The following CDH6 variants were observed in gnomAD, a reference collection of about 807,000 sequenced individuals.
The protein encoded by CDH6 is cadherin-6.
A neutral mutation model predicts 78.0 loss-of-function variants in CDH6; 31 were observed. The ratio of observed to expected loss-of-function variants is 0.40; its 90% CI spans 0.30 to 0.54. CDH6 has a LOEUF of 0.54. Among genes scored for constraint, CDH6 ranks in the 20% least tolerant of loss-of-function variants. The pLI is 0.56. For missense variants in CDH6, 724 were observed against 975.9 expected (o/e 0.74, Z 3.44); for synonymous variants, 376 against 368.8 (o/e 1.02, Z -0.23).
intron 1 of CDH6, among the ~76,000 whole-genome samples, chr5:31,263,805 A>C: frequency 6.6e-6 from 1 of 152,164 alleles, no homozygotes; most frequent in Non-Finnish European, 1.5e-5. Context: ...CATTCATTTT[A>C]ACTTATCAAA....
At chr5:31,285,571 A>T (rs1027776611) in intron 2 of CDH6, among the ~76,000 whole-genome samples, 21 of 152,262 alleles carry the variant, frequency 1.4e-4, no homozygotes. Context: ...GCAACTGGTC[A>T]GACCAATTAG....
chr5:31,317,371 T>G lies in CDH6; in HGVS notation c.1513-4T>G. ...TTATGGCAGCGTTTTGGTTTTTCTC[T>G]TAGTTGATTCAGACCCTGCATGCTG... On this transcript the variant is annotated splice_polypyrimidine_tract_variant and splice_region_variant and intron_variant, in intron 9 of 11. Coordinates refer to ENST00000265071, the MANE Select transcript of CDH6 (RefSeq NM_004932.4). 6.8e-7 allele frequency: 1 copy of G among 1,459,962 alleles called. No individual in the cohort carries two copies. The highest frequency in any genetic ancestry group is 9.5e-7 in the Non-Finnish European group (1 of 1,057,482). The allele number at this position is 1,459,962 out of a possible 1,614,324, so 90.4% of individuals were successfully genotyped here. A position where few individuals can be genotyped will look rare whatever the true frequency, so the allele number is the denominator to read the frequency against.
intron 1 of CDH6, among the ~76,000 whole-genome samples, chr5:31,219,297 G>GTC (rs1393378213): frequency 6.6e-6 from 1 of 152,064 alleles, no homozygotes; most frequent in Non-Finnish European, 1.5e-5. Context: ...GTTCCTTAAA[G>GTC]TCTCTCTCTC....
chr5:31,206,827 A>C (rs1375693906), intron 1 of CDH6, among the ~76,000 whole-genome samples: 1 of 152,142 alleles, frequency 6.6e-6, no homozygotes, highest in East Asian at 1.9e-4. Context: ...TAAGGTTTCT[A>C]TTCATTTTCA....
rs1326875217 is a variant in CDH6, at chr5:31,321,478, T to C, written c.1883-1340T>C. On this transcript the variant is annotated intron_variant, in intron 11 of 11. Transcript: ENST00000265071. ...AACATCTTTAAACTTCAACTTCCTC[T>C]TATGTAAAATGGGGTTTTAATGATG... Among the ~76,000 whole-genome samples, 3 of 152,282 alleles carry C rather than the reference T, an allele frequency of 2.0e-5. No individual in the cohort carries two copies. The South Asian group carries it at 6.2e-4, about 32-fold the overall frequency.
intron 1 of CDH6, among the ~76,000 whole-genome samples, chr5:31,233,673 C>T (rs1435916452): frequency 3.9e-5 from 6 of 152,156 alleles, no homozygotes; most frequent in East Asian, 1.9e-4. Flanking sequence ...TGTGTGGCTA[C>T]GACATTTGCT....
At chr5:31,288,126 G>A (rs1743060184) in intron 2 of CDH6, among the ~76,000 whole-genome samples, 1 of 152,130 alleles carries the variant, frequency 6.6e-6, no homozygotes, top group African/African-American at 2.4e-5. Context: ...GCCAATTCCT[G>A]CTAAACCAGG....
chr5:31,263,340 C>A (rs778865102), intron 1 of CDH6, among the ~76,000 whole-genome samples: 13 of 151,050 alleles, frequency 8.6e-5, no homozygotes, highest in African/African-American at 2.9e-4. Context: ...CTCACTGCAA[C>A]CTCCGCATCC....
intron 11 of CDH6, among the ~76,000 whole-genome samples, chr5:31,322,072 T>C (rs990412070): frequency 3.9e-5 from 6 of 152,142 alleles, no homozygotes; most frequent in Admixed American, 1.3e-4. Context: ...AACAAACTTA[T>C]AGAACATGAA....
At chr5:31,202,633 C>A (rs1390679267) in intron 1 of CDH6, among the ~76,000 whole-genome samples, 7 of 141,652 alleles carry the variant, frequency 4.9e-5, no homozygotes, top group Non-Finnish European at 1.1e-4. Context: ...CAAAACTTCA[C>A]CTCAAAAAAA....
At chr5:31,205,438 G>A (rs574563719) in intron 1 of CDH6, among the ~76,000 whole-genome samples, 23 of 152,226 alleles carry the variant, frequency 1.5e-4, no homozygotes, top group Admixed American at 7.9e-4. Context: ...CCAGGCAGGC[G>A]TTTTATTAAG....
At chr5:31,255,286 C>T (rs529756922) in intron 1 of CDH6, among the ~76,000 whole-genome samples, 8 of 152,258 alleles carry the variant, frequency 5.3e-5, no homozygotes, top group African/African-American at 1.9e-4. Flanking sequence ...GTGACGGTGC[C>T]GTCGTTAAAT....
chr5:31,250,609 A>G (rs62348942), intron 1 of CDH6: 8,244 of 152,528 alleles, frequency 0.054, 258 homozygotes, highest in South Asian at 0.12. Flanking sequence ...TAAGGACTCT[A>G]CACAGCCCCA....
intron 7 of CDH6, among the ~76,000 whole-genome samples, chr5:31,310,336 G>A (rs1738112013): frequency 1.3e-5 from 2 of 152,336 alleles, no homozygotes; most frequent in Admixed American, 1.3e-4. Flanking sequence ...AAAGGAGTGG[G>A]CTCCCATGGC....
chr5:31,283,280 G>A (rs1273607001), intron 2 of CDH6, among the ~76,000 whole-genome samples: 1 of 152,158 alleles, frequency 6.6e-6, no homozygotes, highest in Admixed American at 6.5e-5. Flanking sequence ...ATAATTCGTT[G>A]TAACTCAAAA....
chr5:31,275,085 GTTC>G (rs1742653823), intron 2 of CDH6, among the ~76,000 whole-genome samples: 1 of 152,174 alleles, frequency 6.6e-6, no homozygotes, highest in Admixed American at 6.5e-5. Flanking sequence ...TTGCACCAGA[GTTC>G]TTCATTTTTT....
At position 31,328,586 on chromosome 5, in the gene CDH6, C is replaced by T. The variant is rs184797451; in HGVS notation, c.*5278C>T. The stretch of plus-strand genomic sequence containing the variant: ...TAGGCCTTATAATAAATGCTATGTG[C>T]GTCTTCAGTAGTTCCAAGCTAAAGC... On this transcript the variant is annotated 3_prime_UTR_variant, in exon 12 of 12. Coordinates refer to ENST00000265071, the MANE Select transcript of CDH6 (RefSeq NM_004932.4). The T allele has an allele frequency of 1.1e-4, 23 of 203,692 alleles. No homozygotes were observed. The highest frequency in any genetic ancestry group is 1.0e-3 in the Admixed American group (17 of 16,710). 12.6% of individuals were successfully genotyped at this position (203,692 alleles called of 1,614,324 possible).
chr5:31,223,647 G>A (rs935559626), intron 1 of CDH6, among the ~76,000 whole-genome samples: 1 of 152,150 alleles, frequency 6.6e-6, no homozygotes, highest in Non-Finnish European at 1.5e-5. Context: ...TTACATTTTG[G>A]TTCCGGTGGT....
chr5:31,243,487 A>G (rs978538671), intron 1 of CDH6, among the ~76,000 whole-genome samples: 3 of 152,154 alleles, frequency 2.0e-5, no homozygotes, highest in South Asian at 4.2e-4. Flanking sequence ...TTCAATTTCT[A>G]CTTGCAGCCC....
Sources: gnomAD v4.1 joint callset for allele counts (sites outside exome capture counted in the v4.1 genomes callset) on GRCh38, gnomAD v4.1.1 for gene constraint, MANE v1.5 for transcripts, NCBI Gene and HGNC (gene_info 2026-07-23, HGNC 2026-07-21) for gene names.